GPC6: variants seen among roughly 807,000 people sequenced by gnomAD.
The protein encoded by GPC6 is glypican 6, also known as glypican-6.
GPC6 carries 14 observed loss-of-function variants against 55.2 expected under a neutral mutation model. The observed-to-expected ratio is 0.25, with a 90% CI of 0.17 to 0.40. GPC6 has a LOEUF of 0.40. GPC6 is among the 10% of genes least tolerant of loss of function. The pLI, the probability that GPC6 is intolerant of heterozygous loss-of-function variation, is 1.00. For missense variants in GPC6, 641 were observed against 708.5 expected, an observed-to-expected ratio of 0.90 and a Z score of 1.08; for synonymous variants, 278 against 259.6, an observed-to-expected ratio of 1.07 and a Z score of -0.68.
intron 2 of GPC6, among the ~76,000 whole-genome samples, chr13:93,598,301 A>G (rs566993279): frequency 6.6e-6 from 1 of 152,114 alleles, no homozygotes; most frequent in Non-Finnish European, 1.5e-5. Context: ...GCATATCATG[A>G]TGTCTCTGTT....
At chr13:93,720,685 T>G (rs762950469) in intron 2 of GPC6, among the ~76,000 whole-genome samples, 1 of 152,110 alleles carries the variant, frequency 6.6e-6, no homozygotes, top group South Asian at 2.1e-4. Context: ...TCTTTCCCAC[T>G]TTCTCATGTG....
chr13:93,340,086 A>G (rs1880198254), intron 1 of GPC6, among the ~76,000 whole-genome samples: 1 of 115,550 alleles, frequency 8.7e-6, no homozygotes, highest in East Asian at 2.7e-4. Context: ...CCCAGGCTGG[A>G]GTGCAGTGGC....
chr13:93,452,161 C>A (rs1455929739), intron 1 of GPC6, among the ~76,000 whole-genome samples: 1 of 152,012 alleles, frequency 6.6e-6, no homozygotes, highest in South Asian at 2.1e-4. Context: ...CATGCTTCAG[C>A]CTATTTGCTT....
At chr13:93,580,180 A>G (rs1016963683) in intron 2 of GPC6, among the ~76,000 whole-genome samples, 1 of 152,124 alleles carries the variant, frequency 6.6e-6, no homozygotes, top group South Asian at 2.1e-4. Flanking sequence ...TTCATGGGCC[A>G]TCTTCTCACT....
At chr13:94,184,710 G>C (rs953066882) in intron 4 of GPC6, among the ~76,000 whole-genome samples, 4 of 152,060 alleles carry the variant, frequency 2.6e-5, no homozygotes, top group Non-Finnish European at 4.4e-5. Flanking sequence ...AATTGTTTCC[G>C]CCTTTGTGGA....
rs149943934 is a variant in GPC6 at position 93,901,586 on chromosome 13, T to G, written c.711+71041T>G. Among the ~76,000 whole-genome samples, 725 of 152,034 alleles carry G rather than the reference T, an allele frequency of 4.8e-3. 4 individuals carry two copies. The highest frequency in any genetic ancestry group is 0.017 in the African/African-American group (698 of 41,474). The stretch of plus-strand genomic sequence containing the variant: ...GTAGAGTACAGATCCCTTTAACAGA[T>G]CAAACAAGACATAACTCTTTAAAAA... On this transcript the variant is annotated intron_variant, in intron 3 of 8. Coordinates refer to ENST00000377047, the MANE Select transcript of GPC6 (RefSeq NM_005708.5).
chr13:93,295,549 C>A (rs990965911), intron 1 of GPC6, among the ~76,000 whole-genome samples: 2 of 151,824 alleles, frequency 1.3e-5, no homozygotes, highest in African/African-American at 4.8e-5. Context: ...GGCGCGATCT[C>A]GGCTCACTGC....
chr13:93,541,139 A>G (rs1429216251), intron 1 of GPC6, among the ~76,000 whole-genome samples: 2 of 148,966 alleles, frequency 1.3e-5, no homozygotes, highest in Non-Finnish European at 3.0e-5. Context: ...CTCGTCATTT[A>G]GCATTAGGTA....
At chr13:93,818,056 T>G (rs1886923175) in intron 2 of GPC6, among the ~76,000 whole-genome samples, 1 of 147,650 alleles carries the variant, frequency 6.8e-6, no homozygotes, top group Non-Finnish European at 1.5e-5. Context: ...ATATATAATT[T>G]TATATGTTAA....
At chr13:94,038,918 T>C (rs1412301338) in intron 4 of GPC6, among the ~76,000 whole-genome samples, 1 of 151,966 alleles carries the variant, frequency 6.6e-6, no homozygotes, top group Non-Finnish European at 1.5e-5. Context: ...AGAACTGAAG[T>C]GACAAGAGTA....
intron 1 of GPC6, among the ~76,000 whole-genome samples, chr13:93,406,129 G>A (rs1876283122): frequency 6.6e-6 from 1 of 152,210 alleles, no homozygotes; most frequent in Non-Finnish European, 1.5e-5. Context: ...AATGTTTGGT[G>A]AAGTAGACTC....
At chr13:94,332,877 TTTCTC>T (rs1877498493) in intron 6 of GPC6, among the ~76,000 whole-genome samples, 1 of 152,206 alleles carries the variant, frequency 6.6e-6, no homozygotes, top group Non-Finnish European at 1.5e-5. Context: ...GAAAGACACT[TTTCTC>T]TTTGGCCACT....
chr13:93,818,988 C>CAGTATACAAGATATACA (rs1029196982), intron 2 of GPC6, among the ~76,000 whole-genome samples: 2 of 152,086 alleles, frequency 1.3e-5, no homozygotes, highest in Non-Finnish European at 2.9e-5. Context: ...CTGGGGAGAT[C>CAGTATACAAGATATACA]AGTATACAAG....
At chr13:93,627,377 C>T (rs1485301227) in intron 2 of GPC6, among the ~76,000 whole-genome samples, 1 of 152,108 alleles carries the variant, frequency 6.6e-6, no homozygotes, top group Non-Finnish European at 1.5e-5. Context: ...TGTATATGTG[C>T]CACCACTAAC....
intron 4 of GPC6, among the ~76,000 whole-genome samples, chr13:94,056,170 C>T (rs1212790728): frequency 6.6e-6 from 1 of 152,172 alleles, no homozygotes; most frequent in Non-Finnish European, 1.5e-5. Flanking sequence ...TTCCCACAGC[C>T]ATTTCTAGAG....
chr13:93,455,187 T>C (rs1283420000), intron 1 of GPC6, among the ~76,000 whole-genome samples: 1 of 152,064 alleles, frequency 6.6e-6, no homozygotes, highest in Non-Finnish European at 1.5e-5. Flanking sequence ...CTCCCTGCAA[T>C]CTGAGGGAGC....
At chr13:94,398,059 G>A (rs1047858269) in intron 7 of GPC6, among the ~76,000 whole-genome samples, 1 of 152,098 alleles carries the variant, frequency 6.6e-6, no homozygotes, top group African/African-American at 2.4e-5. Context: ...CACCATGATT[G>A]TGAGGTCTCT....
At chr13:93,599,145 T>G (rs1000260544) in intron 2 of GPC6, among the ~76,000 whole-genome samples, 7 of 152,306 alleles carry the variant, frequency 4.6e-5, no homozygotes, top group Admixed American at 3.3e-4. Context: ...ACCGAAAAGT[T>G]CCTTGATACC....
chr13:93,775,790 A>G (rs758083203), intron 2 of GPC6, among the ~76,000 whole-genome samples: 2 of 150,880 alleles, frequency 1.3e-5, no homozygotes, highest in African/African-American at 5.0e-5. Flanking sequence ...CACCCAAAGC[A>G]GAAGTTGGCG....
Sources: gnomAD v4.1 joint callset for allele counts (sites outside exome capture counted in the v4.1 genomes callset) on GRCh38, gnomAD v4.1.1 for gene constraint, MANE v1.5 for transcripts, NCBI Gene and HGNC (gene_info 2026-07-23, HGNC 2026-07-21) for gene names.